C2CD3: variants seen among roughly 807,000 people sequenced by gnomAD.
The protein encoded by C2CD3 is C2 domain containing 3 centriole elongation regulator.
C2CD3 carries 148 observed loss-of-function variants against 234.0 expected under a neutral mutation model. That is an observed-to-expected ratio of 0.63 (90% CI 0.55 to 0.72). The LOEUF (loss-of-function observed/expected upper bound fraction) is 0.72, where lower values mean the gene tolerates loss of function less well. Ranked by LOEUF, C2CD3 falls within the 30% of genes least tolerant of loss-of-function variation. C2CD3 has a pLI of 0.00. For synonymous variants in C2CD3, 1,000 were observed against 1,035.4 expected, an observed-to-expected ratio of 0.97 and a Z score of 0.66; for missense variants, 2,577 against 2,811.5, an observed-to-expected ratio of 0.92 and a Z score of 1.89.
rs79447244 is a variant in C2CD3, at chr11:74,087,858, T to C, written c.3642-1972A>G. Among the ~76,000 whole-genome samples the C allele has an allele frequency of 2.6e-3, 400 of 152,304 alleles. 3 individuals are homozygous for C. Among genetic ancestry groups the C allele is most frequent in the African/African-American group, 8.4e-3 (350 of 41,562 alleles). On this transcript the variant is annotated intron_variant, in intron 20 of 32. Coordinates refer to ENST00000334126, the MANE Select transcript of C2CD3 (RefSeq NM_001286577.2). ...CACGGCATTTAAAGACTACTGGCTATGTCCAAGAAAGGTTCTATTCACTCT... is the reference window on the plus strand; with the variant it reads ...CACGGCATTTAAAGACTACTGGCTACGTCCAAGAAAGGTTCTATTCACTCT...
At chr11:74,059,296 A>C (rs1954103361) in intron 24 of C2CD3, among the ~76,000 whole-genome samples, 1 of 151,110 alleles carries the variant, frequency 6.6e-6, no homozygotes, top group African/African-American at 2.4e-5. Flanking sequence ...CTGTAGTCCC[A>C]GCTACTTGGG....
At chr11:74,045,280 C>G (rs1389876037) in intron 28 of C2CD3, among the ~76,000 whole-genome samples, 1 of 152,190 alleles carries the variant, frequency 6.6e-6, no homozygotes, top group Non-Finnish European at 1.5e-5. Flanking sequence ...ATTTATATTT[C>G]TATCCTCATT....
intron 23 of C2CD3, 148 bp downstream of exon 23, chr11:74,077,967 T>G: frequency 1.0e-6 from 1 of 955,010 alleles, no homozygotes; most frequent in Non-Finnish European, 1.5e-6. Context: ...TGAGCCTCCT[T>G]TTTTATGAAT....
intron 26 of C2CD3, 133 bp downstream of exon 26, chr11:74,054,474 C>CCCAG (rs2135435867): frequency 1.8e-6 from 1 of 565,698 alleles, no homozygotes; most frequent in East Asian, 3.0e-5. Flanking sequence ...TATCTGCATT[C>CCCAG]CCAGCACTGT....
At chr11:74,075,865 C>T (rs78510302) in intron 23 of C2CD3, among the ~76,000 whole-genome samples, 96 of 152,264 alleles carry the variant, frequency 6.3e-4, no homozygotes, top group African/African-American at 2.2e-3. Flanking sequence ...ACGCATTCAA[C>T]AAACACATCA....
chr11:74,092,714 G>A (rs1233492967), intron 18 of C2CD3, 126 bp from the exon 19 acceptor site: 8 of 712,016 alleles, frequency 1.1e-5, no homozygotes, highest in South Asian at 8.4e-5. Flanking sequence ...GTAGTACGCA[G>A]CTATGGTGTC....
chr11:74,045,261 A>G (rs1227883561), intron 28 of C2CD3, among the ~76,000 whole-genome samples: 1 of 152,204 alleles, frequency 6.6e-6, no homozygotes, highest in African/African-American at 2.4e-5. Context: ...TATCAATTCA[A>G]TTCCACTGAT....
intron 24 of C2CD3, among the ~76,000 whole-genome samples, chr11:74,059,409 T>TAAA (rs1954113501): frequency 1.7e-5 from 1 of 59,964 alleles, no homozygotes; most frequent in African/African-American, 1.5e-4. Context: ...AGACTCTGTC[T>TAAA]CAAAAAAAAA....
intron 1 of C2CD3, among the ~76,000 whole-genome samples, chr11:74,170,447 T>C (rs1233760434): frequency 1.3e-5 from 2 of 152,178 alleles, no homozygotes; most frequent in Non-Finnish European, 2.9e-5. Context: ...ACACATACAT[T>C]TCACTTCGTT....
Position 74,167,246 on chromosome 11 carries a change from T to C in C2CD3, c.325+1098A>G, listed in dbSNP as rs1048309583. Among the ~76,000 whole-genome samples the C allele has an allele frequency of 3.9e-5, 6 of 152,342 alleles. No homozygotes were observed. In the South Asian group the frequency reaches 6.2e-4, roughly 16 times the overall value. On this transcript the variant is annotated intron_variant, in intron 2 of 32. Coordinates refer to ENST00000334126, the MANE Select transcript of C2CD3 (RefSeq NM_001286577.2). ...ATGTTAATAAATACCTTCTCTCTTATTGAATTTCTAATCACTCCTCATTTG... is the reference window on the plus strand; with the variant it reads ...ATGTTAATAAATACCTTCTCTCTTACTGAATTTCTAATCACTCCTCATTTG...
At chr11:74,166,380 C>T (rs978165591) in intron 2 of C2CD3, among the ~76,000 whole-genome samples, 20 of 151,518 alleles carry the variant, frequency 1.3e-4, no homozygotes, top group Admixed American at 4.6e-4. Flanking sequence ...AGGTTCACCT[C>T]ATGTGTCTCC....
rs946242805 is a variant in C2CD3 at position 74,078,264 on chromosome 11, A to C, written c.4454T>G (p.Phe1485Cys). 8 of 1,613,998 alleles carry C rather than the reference A, an allele frequency of 5.0e-6. No individual in the cohort carries two copies. In the African/African-American group the frequency reaches 9.3e-5, roughly 19 times the overall value. Reference sequence around the variant, plus strand: ...TTGGATCTCTAGCCTCTCCTCCCTGAAGTACCAAAGCAGTGATGGGCCCCT... The same window carrying C: ...TTGGATCTCTAGCCTCTCCTCCCTGCAGTACCAAAGCAGTGATGGGCCCCT... ...VTRGPSLLWY[F>C]REERLEIQVW... The change falls in exon 23 of 33, where the codon TTC becomes TGC. Residue 1485 changes from phenylalanine to cysteine, a missense_variant. By Grantham distance (205) the Phe-to-Cys change is radical. Coordinates refer to ENST00000334126, the MANE Select transcript of C2CD3 (RefSeq NM_001286577.2).
intron 22 of C2CD3, among the ~76,000 whole-genome samples, chr11:74,084,464 C>T (rs984143858): frequency 5.3e-5 from 8 of 150,990 alleles, no homozygotes; most frequent in Non-Finnish European, 7.4e-5. Context: ...AAAAAAGAAA[C>T]GGGGTTTCAC....
chr11:74,074,060 G>A (rs1200633479), intron 24 of C2CD3, among the ~76,000 whole-genome samples, 193 bp downstream of exon 24: 1 of 152,236 alleles, frequency 6.6e-6, no homozygotes, highest in Non-Finnish European at 1.5e-5. Context: ...AGACTCAGGT[G>A]GCTGGACTGG....
rs747501812 is a variant in C2CD3, at chr11:74,138,926, ATTG to A, written c.746_748del (p.Thr249del). On this transcript the variant is annotated inframe_deletion, in exon 5 of 33. Coordinates refer to ENST00000334126, the MANE Select transcript of C2CD3 (RefSeq NM_001286577.2). Reference sequence around the variant, plus strand: ...CTGTAGTCCAAAGGAAGAATCCTTTATTGTATCAGGGTTCTCTGCAAAGCATAC... The same window carrying A: ...CTGTAGTCCAAAGGAAGAATCCTTTATATCAGGGTTCTCTGCAAAGCATAC... 1.9e-6 allele frequency: 3 copies of A among 1,610,626 alleles called. No homozygotes were observed. In the South Asian group the frequency reaches 3.3e-5, roughly 18 times the overall value.
chr11:74,044,490 TC>T (rs561547803), intron 28 of C2CD3, among the ~76,000 whole-genome samples: 48 of 152,258 alleles, frequency 3.2e-4, no homozygotes, highest in African/African-American at 1.2e-3. Flanking sequence ...AAATATTTTC[TC>T]CCATTCTATG....
intron 31 of C2CD3, among the ~76,000 whole-genome samples, chr11:74,028,764 A>G (rs1480011976): frequency 6.6e-6 from 1 of 152,232 alleles, no homozygotes; most frequent in East Asian, 1.9e-4. Flanking sequence ...TGGCACAGAC[A>G]GTTTCCTTCT....
Position 74,114,741 on chromosome 11 carries a change from A to G in C2CD3, c.1521-148T>C. Reference sequence around the variant, plus strand: ...TTTTGACACAGGGTGTTGCTCTGTCACCCAGGCTGGAGTGCAGTGGCACGA... The same window carrying G: ...TTTTGACACAGGGTGTTGCTCTGTCGCCCAGGCTGGAGTGCAGTGGCACGA... On this transcript the variant is annotated intron_variant, in intron 9 of 32. Coordinates refer to ENST00000334126, the MANE Select transcript of C2CD3 (RefSeq NM_001286577.2). 6.5e-6 allele frequency: 4 copies of G among 618,396 alleles called. No homozygotes were observed. In the South Asian group the frequency reaches 7.9e-5, roughly 12 times the overall value. 38.3% of individuals were successfully genotyped at this position (618,396 alleles called of 1,614,324 possible).
In C2CD3 at chr11:74,057,414, C is replaced by A. The variant is rs142214951; in HGVS notation, c.5082G>T (p.Gln1694His). The change falls in exon 25 of 33, where the codon CAG becomes CAT. Residue 1694 changes from glutamine to histidine, a missense_variant. By Grantham distance (24) the Gln-to-His change is conservative (BLOSUM62 0). Transcript: ENST00000334126. ...NTDSPIWNFQQQSRLSKELLL... is the reference protein window; with the variant it reads ...NTDSPIWNFQHQSRLSKELLL... ...TAACGGATAACACAAACCTTGACTG[C>A]TGTTGAAAATTCCAGATGGGGGAAT... 5.0e-3 allele frequency: 8,047 copies of A among 1,614,156 alleles called. 39 individuals carry two copies. Among genetic ancestry groups the A allele is most frequent in the Non-Finnish European group, 6.2e-3 (7,264 of 1,179,984 alleles).
Sources: gnomAD v4.1 joint callset for allele counts (sites outside exome capture counted in the v4.1 genomes callset) on GRCh38, gnomAD v4.1.1 for gene constraint, MANE v1.5 for transcripts, NCBI Gene and HGNC (gene_info 2026-07-23, HGNC 2026-07-21) for gene names.